ATP13A2: variants seen among roughly 807,000 people sequenced by gnomAD.
ATP13A2 encodes the protein polyamine-transporting ATPase 13A2.
In ATP13A2, 83 loss-of-function variants were observed where a neutral mutation model predicts 138.3. The observed-to-expected ratio is 0.60, with a 90% CI of 0.50 to 0.72. ATP13A2 has a LOEUF of 0.72. Ranked by LOEUF, ATP13A2 falls within the 30% of genes least tolerant of loss-of-function variation. The probability of loss-of-function intolerance (pLI) is 0.00; values close to 1 mark genes in which losing one functional copy is unlikely to be tolerated. For missense variants in ATP13A2, 1,402 were observed against 1,606.4 expected (o/e 0.87, Z 2.17); for synonymous variants, 663 against 699.0 (o/e 0.95, Z 0.81).
rs2077069213 is a variant in ATP13A2, at chr1:16,995,021, CT to C, written c.1542+954del. 6.6e-6 allele frequency among the ~76,000 whole-genome samples: 1 copy of C among 152,220 alleles called. No homozygotes were observed. Among genetic ancestry groups the C allele is most frequent in the Non-Finnish European group, 1.5e-5 (1 of 68,042 alleles). On this transcript the variant is annotated intron_variant, in intron 15 of 28. Coordinates refer to ENST00000326735, the MANE Select transcript of ATP13A2 (RefSeq NM_022089.4). The surrounding 1 kb of genome is among the most constrained non-coding windows in gnomAD (Gnocchi z 4.1). The stretch of plus-strand genomic sequence containing the variant: ...ACAGCCTCTGAATGTCACCTAGCCT[CT>C]GTCAACCAGGCCACTGCCTACCCGG...
intron 23 of ATP13A2, 96 bp downstream of exon 23, chr1:16,989,595 G>C: frequency 8.0e-7 from 1 of 1,247,296 alleles, no homozygotes; most frequent in Non-Finnish European, 1.2e-6. Context: ...GGTGCCTGAG[G>C]AGGGAGACAG....
chr1:17,011,659 C>A lies in ATP13A2; in HGVS notation c.10+70G>T. 6.9e-7 allele frequency: 1 copy of A among 1,458,916 alleles called. No homozygotes were observed. The highest frequency in any genetic ancestry group is 9.0e-7 in the Non-Finnish European group (1 of 1,111,224). 90.4% of individuals were successfully genotyped at this position (1,458,916 alleles called of 1,614,324 possible). A position where few individuals can be genotyped will look rare whatever the true frequency, so the allele number is the denominator to read the frequency against. On this transcript the variant is annotated intron_variant, in intron 1 of 28. Coordinates refer to ENST00000326735, the MANE Select transcript of ATP13A2 (RefSeq NM_022089.4). This position sits in a 1 kb window ranked among gnomAD's most constrained non-coding sequence, Gnocchi z 7.3. ...GGGGGCGTCGCCTCCCCTCTCCCTC[C>A]AAGGGGTGACGACAACTGGCGGGCC...
intron 8 of ATP13A2, among the ~76,000 whole-genome samples, chr1:17,001,600 C>T (rs1288111710): frequency 1.3e-5 from 2 of 152,158 alleles, no homozygotes; most frequent in Non-Finnish European, 2.9e-5. Context: ...TCTCTTTGTC[C>T]CTGTGTGACC....
chr1:17,002,211 G>C, intron 7 of ATP13A2, 85 bp downstream of exon 7: 1 of 1,580,454 alleles, frequency 6.3e-7, no homozygotes, highest in African/African-American at 1.3e-5. Context: ...GCCCAGAGAA[G>C]GCAGGTGACT....
At position 16,995,638 on chromosome 1, in the gene ATP13A2, G is replaced by A. The variant is rs530490324; in HGVS notation, c.1542+338C>T. 2.6e-6 allele frequency: 1 copy of A among 390,082 alleles called. No individual in the cohort carries two copies. Among genetic ancestry groups the A allele is most frequent in the South Asian group, 2.1e-5 (1 of 47,476 alleles). The allele number at this position is 390,082 out of a possible 1,614,324, so 24.2% of individuals were successfully genotyped here. On this transcript the variant is annotated intron_variant, in intron 15 of 28. Transcript: ENST00000326735. This position sits in a 1 kb window ranked among gnomAD's most constrained non-coding sequence, Gnocchi z 4.1. Reference sequence around the variant, plus strand: ...AACTTTTGTATTTTTAGTAGACGGGGTTTTGCCATGTTGGTCAGGCTGGTC... The same window carrying A: ...AACTTTTGTATTTTTAGTAGACGGGATTTTGCCATGTTGGTCAGGCTGGTC...
chr1:16,997,079 A>T lies in ATP13A2; in HGVS notation c.1136T>A (p.Leu379His), dbSNP rs891022789. ...CACATAGGCCCGGGCCTGCAAGATG[A>T]GGGTCCCGCAGAAGAGTGTGTGCCG... ...HRRHTLFCGTLILQARAYVGP... is the reference protein window; with the variant it reads ...HRRHTLFCGTHILQARAYVGP... The change falls in exon 12 of 29, where the codon CTC becomes CAC. Residue 379 changes from leucine (L) to histidine (H), a missense_variant. Physicochemically the swap from Leu to His is moderately conservative, Grantham distance 99 (BLOSUM62 -3). Transcript: ENST00000326735. The T allele has an allele frequency of 5.6e-6, 9 of 1,613,358 alleles. No homozygotes were observed. Among genetic ancestry groups the T allele is most frequent in the Non-Finnish European group, 7.6e-6 (9 of 1,179,998 alleles).
rs1232417254 is a variant in ATP13A2 at position 16,991,849 on chromosome 1, C to T, written c.2136G>A (p.Val712=). The T allele has an allele frequency of 5.6e-6, 9 of 1,614,116 alleles. No homozygotes were observed. Among genetic ancestry groups the T allele is most frequent in the South Asian group, 1.1e-5 (1 of 91,084 alleles). The stretch of plus-strand genomic sequence containing the variant: ...GCCCCAGGAGGCTCAGGTCTCCTTC[C>T]ACAGTGTCCCTGGAGGGTGGGCAGA... ...EAAQQLTRDT[V]EGDLSLLGLL... is the part of the protein sequence containing the mutation. Residue 712 remains valine (V), a synonymous_variant, in exon 20 of 29, where the codon GTG becomes GTA. Coordinates refer to ENST00000326735, the MANE Select transcript of ATP13A2 (RefSeq NM_022089.4).
intron 12 of ATP13A2, chr1:16,996,747 C>A: frequency 1.6e-6 from 1 of 619,636 alleles, no homozygotes; most frequent in Non-Finnish European, 2.8e-6. Flanking sequence ...AGGGAAGGCT[C>A]CTGCCTGCCC....
chr1:17,007,886 T>A (rs546503692), intron 1 of ATP13A2, among the ~76,000 whole-genome samples: 1 of 151,042 alleles, frequency 6.6e-6, no homozygotes, highest in Non-Finnish European at 1.5e-5. Context: ...GAGTCCAGAG[T>A]GCCCCAGGCA....
At position 17,002,281 on chromosome 1, in the gene ATP13A2, C is replaced by A; in HGVS notation, c.635+15G>T. On this transcript the variant is annotated intron_variant, in intron 7 of 28. Coordinates refer to ENST00000326735, the MANE Select transcript of ATP13A2 (RefSeq NM_022089.4). ...CCCCAGTTCTCAGGGCACCCCGGTCCAGGGCAGCACTGACCTCACCATTTG... is the reference window on the plus strand; with the variant it reads ...CCCCAGTTCTCAGGGCACCCCGGTCAAGGGCAGCACTGACCTCACCATTTG... 1 of 1,612,588 alleles carries A rather than the reference C, an allele frequency of 6.2e-7. No individual in the cohort carries two copies.
Position 16,988,161 on chromosome 1 carries a change from T to A in ATP13A2, c.2836A>T (p.Ile946Phe), listed in dbSNP as rs55708915. The A allele has an allele frequency of 1.5e-3, 2,443 of 1,614,064 alleles. 7 individuals carry two copies. The highest frequency in any genetic ancestry group is 4.0e-3 in the Middle Eastern group (24 of 6,062). ...ACCGTGTAGAGGATCAGGACGGAGA[T>A]GAACTGGGTCAGGCTGTACAGAGCC... ...YMALYSLTQF[I>F]SVLILYTINT... The change falls in exon 25 of 29, where the codon ATC (isoleucine) becomes TTC (phenylalanine). Residue 946 changes from isoleucine to phenylalanine, a missense_variant. Physicochemically the swap from Ile to Phe is conservative, Grantham distance 21. Coordinates refer to ENST00000326735, the MANE Select transcript of ATP13A2 (RefSeq NM_022089.4).
At chr1:16,988,299 C>T (rs745504274) in intron 24 of ATP13A2, 23 bp downstream of exon 24, 1 of 1,614,074 alleles carries the variant, frequency 6.2e-7, no homozygotes, top group Admixed American at 1.7e-5. Flanking sequence ...GAGCCCTCAC[C>T]CACCGGTCCC....
At chr1:16,999,897 T>G in intron 11 of ATP13A2, 114 bp downstream of exon 11, 1 of 1,391,676 alleles carries the variant, frequency 7.2e-7, no homozygotes, top group South Asian at 1.5e-5. Context: ...TGAAACTCCG[T>G]CTCACAAAAA....
chr1:16,986,952 C>A lies in ATP13A2; in HGVS notation c.3088G>T (p.Val1030Leu). Reference sequence around the variant, plus strand: ...GCGGCCACTGTCCTGTTCAGAGGCACGAACCTGGGGGTACAGGGATGGGGG... The same window carrying A: ...GCGGCCACTGTCCTGTTCAGAGGCAAGAACCTGGGGGTACAGGGATGGGGG... The part of the protein sequence containing the change: ...YFLTLAQPWF[V>L]PLNRTVAAPD... Residue 1030 changes from valine (V) to leucine (L), a missense_variant, in exon 27 of 29, where the codon GTG (valine) becomes TTG (leucine). Physicochemically the swap from Val to Leu is conservative, Grantham distance 32 (BLOSUM62 1). Coordinates refer to ENST00000326735, the MANE Select transcript of ATP13A2 (RefSeq NM_022089.4). This position sits in a 1 kb window ranked among gnomAD's most constrained non-coding sequence, Gnocchi z 6.9. 1 of 1,612,600 alleles carries A rather than the reference C, an allele frequency of 6.2e-7. No individual in the cohort carries two copies. Among genetic ancestry groups the A allele is most frequent in the Non-Finnish European group, 8.5e-7 (1 of 1,179,818 alleles).
chr1:17,001,903 G>A, intron 8 of ATP13A2, 131 bp downstream of exon 8: 2 of 926,222 alleles, frequency 2.2e-6, no homozygotes, highest in Middle Eastern at 3.4e-4. Flanking sequence ...GTTCTGAGAT[G>A]ACGATCCACT....
In ATP13A2 at chr1:16,997,155, T is replaced by C; in HGVS notation, c.1060A>G (p.Lys354Glu). The change falls in exon 12 of 29, where the codon AAG becomes GAG. Residue 354 changes from lysine (K) to glutamate (E), a missense_variant. Coordinates refer to ENST00000326735, the MANE Select transcript of ATP13A2 (RefSeq NM_022089.4). ...SLTGESIPVL[K>E]TALPEGLGPY... ...CCCAGCCCCTCCGGCAGTGCCGTCT[T>C]CAGCACTGGAATGCTCTCTCCTGGT... The C allele has an allele frequency of 6.2e-7, 1 of 1,613,572 alleles. No homozygotes were observed. The highest frequency in any genetic ancestry group is 8.5e-7 in the Non-Finnish European group (1 of 1,180,018).
Position 16,990,004 on chromosome 1 carries a change from C to T in ATP13A2, c.2413-1G>A. The stretch of plus-strand genomic sequence containing the variant: ...TGTAGCTTGCAGCCTGGTCAGGATC[C>T]TGGGGGCCCAGGAAGCTCAGCTTAG... On this transcript the variant is annotated splice_acceptor_variant, in intron 21 of 28. Transcript: ENST00000326735. LOFTEE classifies it high-confidence loss of function. 6.2e-7 allele frequency: 1 copy of T among 1,612,404 alleles called. No homozygotes were observed. The highest frequency in any genetic ancestry group is 8.5e-7 in the Non-Finnish European group (1 of 1,179,262).
intron 6 of ATP13A2, among the ~76,000 whole-genome samples, chr1:17,002,669 A>G (rs1053531339): frequency 6.6e-6 from 1 of 152,176 alleles, no homozygotes; most frequent in African/African-American, 2.4e-5. Flanking sequence ...TACACTGATG[A>G]TACCCTGGGC....
chr1:16,999,433 G>A (rs1442806753), intron 11 of ATP13A2, among the ~76,000 whole-genome samples: 2 of 150,296 alleles, frequency 1.3e-5, no homozygotes, highest in Non-Finnish European at 3.0e-5. Context: ...GCACTGGGTG[G>A]CTGGCCATTT....
Sources: allele counts gnomAD v4.1 joint callset (sites outside exome capture counted in the v4.1 genomes callset), GRCh38; gene constraint gnomAD v4.1.1; non-coding constraint Gnocchi (gnomAD v3.1); transcripts MANE v1.5; gene names NCBI Gene and HGNC (gene_info 2026-07-23, HGNC 2026-07-21).